Variants in NR3C2 observed in about 807,000 individuals in gnomAD.
The protein encoded by NR3C2 is mineralocorticoid receptor.
In NR3C2, 15 loss-of-function variants were observed where a neutral mutation model predicts 86.4. The ratio of observed to expected loss-of-function variants is 0.17; its 90% CI spans 0.12 to 0.27. NR3C2 has a LOEUF of 0.27. NR3C2 is among the 10% of genes least tolerant of loss of function. NR3C2 has a pLI of 1.00. For missense variants in NR3C2, 960 were observed against 1,195.6 expected (o/e 0.80, Z 2.91); for synonymous variants, 458 against 450.5 (o/e 1.02, Z -0.21).
intron 6 of NR3C2, among the ~76,000 whole-genome samples, chr4:148,135,862 C>G (rs1733283117): frequency 6.6e-6 from 1 of 150,914 alleles, no homozygotes; most frequent in Admixed American, 6.6e-5. Flanking sequence ...CGAGACCATC[C>G]CGGCTAAAAA....
In NR3C2 at chr4:148,288,726, C is replaced by T. The variant is rs78716716; in HGVS notation, c.1758-28609G>A. On this transcript the variant is annotated intron_variant, in intron 2 of 8. Transcript: ENST00000358102. ...ATAGTATGCTTCAAGTTGTGCCAAA[C>T]GCTGGAATTCAGCCAGGAAGGTGGC... Among the ~76,000 whole-genome samples, 140 of 152,192 alleles carry T rather than the reference C, an allele frequency of 9.2e-4. 1 individual carries two copies. The East Asian group carries it at 0.02, about 22-fold the overall frequency.
chr4:148,098,062 G>A lies in NR3C2; in HGVS notation c.2799+16042C>T, dbSNP rs183287143. Among the ~76,000 whole-genome samples the A allele has an allele frequency of 4.9e-4, 75 of 152,100 alleles. No homozygotes were observed. The East Asian group carries it at 0.01, about 21-fold the overall frequency. On this transcript the variant is annotated intron_variant, in intron 8 of 8. Coordinates refer to ENST00000358102, the MANE Select transcript of NR3C2 (RefSeq NM_000901.5). Reference sequence around the variant, plus strand: ...TTAAAAACCCCTGCCCCAAACTCCTGGGGAGATGGATTTGAGGTTTCCTCC... The same window carrying A: ...TTAAAAACCCCTGCCCCAAACTCCTAGGGAGATGGATTTGAGGTTTCCTCC...
At chr4:148,425,077 A>AT (rs952570271) in intron 2 of NR3C2, among the ~76,000 whole-genome samples, 5 of 151,968 alleles carry the variant, frequency 3.3e-5, no homozygotes, top group Non-Finnish European at 7.4e-5. Context: ...AGTCAAAACA[A>AT]TTTTTTTTGC....
chr4:148,361,486 G>A (rs1745833231), intron 2 of NR3C2, among the ~76,000 whole-genome samples: 1 of 152,218 alleles, frequency 6.6e-6, no homozygotes, highest in Non-Finnish European at 1.5e-5. Flanking sequence ...AGCTCTGTAA[G>A]TTACTGCCCT....
intron 2 of NR3C2, among the ~76,000 whole-genome samples, chr4:148,339,071 A>T (rs1396504095): frequency 6.6e-6 from 1 of 152,238 alleles, no homozygotes; most frequent in African/African-American, 2.4e-5. Context: ...GTAAGAATTA[A>T]GTATGGAAGT....
In NR3C2 at chr4:148,300,968, C is replaced by T. The variant is rs573771699; in HGVS notation, c.1758-40851G>A. On this transcript the variant is annotated intron_variant, in intron 2 of 8. Coordinates refer to ENST00000358102, the MANE Select transcript of NR3C2 (RefSeq NM_000901.5). ...AGAACAGAAAAGGTACCACAGTTTC[C>T]ATTTTGGGAGAGACCTGTTTTCCTC... Among the ~76,000 whole-genome samples, 9 of 152,270 alleles carry T rather than the reference C, an allele frequency of 5.9e-5. No homozygotes were observed. In the South Asian group the frequency reaches 1.9e-3, roughly 32 times the overall value.
At chr4:148,202,430 G>C (rs1173759290) in intron 3 of NR3C2, among the ~76,000 whole-genome samples, 1 of 152,208 alleles carries the variant, frequency 6.6e-6, no homozygotes, top group African/African-American at 2.4e-5. Flanking sequence ...CTCCCTCTGG[G>C]AGCAGGTGCT....
chr4:148,197,788 A>G (rs1160388296), intron 3 of NR3C2, among the ~76,000 whole-genome samples: 1 of 152,202 alleles, frequency 6.6e-6, no homozygotes, highest in Non-Finnish European at 1.5e-5. Context: ...TTTGTCGTTT[A>G]TATTTTTAGT....
chr4:148,211,707 T>C (rs1165774304), intron 3 of NR3C2, among the ~76,000 whole-genome samples: 2 of 143,334 alleles, frequency 1.4e-5, no homozygotes, highest in South Asian at 2.4e-4. Context: ...ATAAACAAAA[T>C]ACAGCTTGCA....
At chr4:148,308,373 G>T (rs1437441613) in intron 2 of NR3C2, among the ~76,000 whole-genome samples, 1 of 152,082 alleles carries the variant, frequency 6.6e-6, no homozygotes, top group African/African-American at 2.4e-5. Flanking sequence ...TTGCATATAT[G>T]AATCCCAAAG....
intron 6 of NR3C2, among the ~76,000 whole-genome samples, chr4:148,120,759 A>C (rs551753157): frequency 1.3e-5 from 2 of 152,326 alleles, no homozygotes; most frequent in South Asian, 4.1e-4. Flanking sequence ...GGCCTTCCTT[A>C]CAGAGGTCAT....
intron 6 of NR3C2, among the ~76,000 whole-genome samples, chr4:148,128,206 T>C (rs986648651): frequency 6.6e-6 from 1 of 152,178 alleles, no homozygotes; most frequent in African/African-American, 2.4e-5. Context: ...GACCCACCCA[T>C]GCTATCTTAC....
intron 2 of NR3C2, among the ~76,000 whole-genome samples, chr4:148,278,583 A>ACACACC (rs990218627): frequency 1.6e-4 from 25 of 151,924 alleles, no homozygotes; most frequent in Non-Finnish European, 2.9e-4. Flanking sequence ...GCGCGCACAC[A>ACACACC]CACACCCACA....
At chr4:148,382,129 G>T (rs1747027364) in intron 2 of NR3C2, among the ~76,000 whole-genome samples, 1 of 152,178 alleles carries the variant, frequency 6.6e-6, no homozygotes, top group Admixed American at 6.5e-5. Flanking sequence ...GCTGACTGAG[G>T]ACAAGGCCAA....
intron 3 of NR3C2, among the ~76,000 whole-genome samples, chr4:148,246,909 T>C (rs990950727): frequency 6.6e-6 from 1 of 152,222 alleles, no homozygotes; most frequent in African/African-American, 2.4e-5. Flanking sequence ...TCTAAAACCA[T>C]TTAGTAACGA....
At chr4:148,307,682 C>A (rs376355558) in intron 2 of NR3C2, among the ~76,000 whole-genome samples, 3 of 151,814 alleles carry the variant, frequency 2.0e-5, no homozygotes, top group African/African-American at 7.3e-5. Context: ...TGGGGGTAGT[C>A]GGGAAACAGA....
intron 2 of NR3C2, among the ~76,000 whole-genome samples, chr4:148,428,612 CTATAA>C (rs1749659467): frequency 6.6e-6 from 1 of 152,122 alleles, no homozygotes; most frequent in Non-Finnish European, 1.5e-5. Flanking sequence ...TAGGAGTTCT[CTATAA>C]TATACTTTCT....
At chr4:148,428,439 G>A (rs1193788160) in intron 2 of NR3C2, among the ~76,000 whole-genome samples, 1 of 152,096 alleles carries the variant, frequency 6.6e-6, no homozygotes, top group Non-Finnish European at 1.5e-5. Context: ...AGACTAAAGA[G>A]ACATGACAAC....
At chr4:148,171,041 T>C (rs1735101214) in intron 4 of NR3C2, among the ~76,000 whole-genome samples, 1 of 152,212 alleles carries the variant, frequency 6.6e-6, no homozygotes, top group Non-Finnish European at 1.5e-5. Flanking sequence ...AAATTCAAAC[T>C]GGGATTTCCA....
Sources: allele counts gnomAD v4.1 joint callset (sites outside exome capture counted in the v4.1 genomes callset), GRCh38; gene constraint gnomAD v4.1.1; transcripts MANE v1.5; gene names NCBI Gene and HGNC (gene_info 2026-07-23, HGNC 2026-07-21).